The following RFC3 variants were observed in gnomAD, a reference collection of about 807,000 sequenced individuals.
RFC3 encodes the protein A1 38 kDa subunit.
In RFC3, 41 loss-of-function variants were observed where a neutral mutation model predicts 45.1. The observed-to-expected ratio is 0.91, with a 90% CI of 0.71 to 1.18. The LOEUF (loss-of-function observed/expected upper bound fraction) is 1.18. RFC3 is among the 50% of genes most tolerant of loss of function. RFC3 has a pLI of 0.00. For synonymous variants in RFC3, 149 were observed against 144.0 expected, an observed-to-expected ratio of 1.03 and a Z score of -0.25; for missense variants, 423 against 428.1, an observed-to-expected ratio of 0.99 and a Z score of 0.10.
chr13:33,976,255 A>C, the RFC3 span, among the ~76,000 whole-genome samples: 1 of 152,214 alleles, frequency 6.6e-6, no homozygotes, highest in Non-Finnish European at 1.5e-5. Flanking sequence ...TGGAATATTA[A>C]AATGAAGTCC....
intron 1 of RFC3, among the ~76,000 whole-genome samples, chr13:33,820,323 CTG>C (rs1461587070): frequency 6.6e-6 from 1 of 152,212 alleles, no homozygotes; most frequent in African/African-American, 2.4e-5. Flanking sequence ...GCTTTTCTCT[CTG>C]TGACACCCAT....
At chr13:33,956,225 G>T (rs1309425871) in intron 8 of RFC3, among the ~76,000 whole-genome samples, 1 of 152,182 alleles carries the variant, frequency 6.6e-6, no homozygotes, top group Admixed American at 6.5e-5. Flanking sequence ...TTCTTGCACT[G>T]AGGTTAATTA....
intron 8 of RFC3, among the ~76,000 whole-genome samples, chr13:33,914,343 A>G (rs1195881446): frequency 6.6e-6 from 1 of 152,128 alleles, no homozygotes; most frequent in Non-Finnish European, 1.5e-5. Context: ...GCCAACCAAC[A>G]TTTAGTGAAC....
At chr13:33,843,779 C>A (rs1323439542) in intron 8 of RFC3, among the ~76,000 whole-genome samples, 2 of 152,148 alleles carry the variant, frequency 1.3e-5, no homozygotes, top group South Asian at 2.1e-4. Context: ...CACTGCCCAA[C>A]GGACATATGT....
intron 8 of RFC3, among the ~76,000 whole-genome samples, chr13:33,904,418 CAT>C (rs1218692686): frequency 6.6e-6 from 1 of 152,036 alleles, no homozygotes; most frequent in African/African-American, 2.4e-5. Flanking sequence ...AGTGTCCCAA[CAT>C]GTGTTCTCCC....
intron 7 of RFC3, among the ~76,000 whole-genome samples, chr13:33,834,144 A>G (rs984048429): frequency 6.6e-6 from 1 of 151,340 alleles, no homozygotes; most frequent in South Asian, 2.1e-4. Context: ...ATGCCCCAGA[A>G]ATGCTAGTTC....
chr13:33,950,764 C>T (rs1020598934), intron 8 of RFC3, among the ~76,000 whole-genome samples: 1 of 151,386 alleles, frequency 6.6e-6, no homozygotes, highest in African/African-American at 2.5e-5. Flanking sequence ...TCTCTCTTCT[C>T]TTTCTCTCTC....
chr13:33,820,675 A>G (rs534814226), intron 1 of RFC3, among the ~76,000 whole-genome samples: 32 of 152,284 alleles, frequency 2.1e-4, no homozygotes, highest in African/African-American at 7.5e-4. Flanking sequence ...ACTGTTTCTA[A>G]TAGTCCGAAG....
chr13:33,869,144 G>A (rs1219571010), intron 8 of RFC3, among the ~76,000 whole-genome samples: 1 of 152,208 alleles, frequency 6.6e-6, no homozygotes, highest in Non-Finnish European at 1.5e-5. Flanking sequence ...CTGGTTCCCT[G>A]CTGTTCACTC....
chr13:33,967,873 A>G (rs1593724920), downstream of RFC3, among the ~76,000 whole-genome samples: 2 of 152,290 alleles, frequency 1.3e-5, no homozygotes, highest in East Asian at 3.9e-4. Context: ...AAAGCAAATC[A>G]TACTTATTGA....
intron 8 of RFC3, among the ~76,000 whole-genome samples, chr13:33,946,953 T>C (rs947709682): frequency 1.3e-5 from 2 of 152,216 alleles, no homozygotes; most frequent in Non-Finnish European, 2.9e-5. Context: ...GGAAATGCAC[T>C]GATTATTTGG....
chr13:33,886,148 G>GA (rs1408512108), intron 8 of RFC3, among the ~76,000 whole-genome samples: 1 of 152,170 alleles, frequency 6.6e-6, no homozygotes, highest in Non-Finnish European at 1.5e-5. Flanking sequence ...TAAGCCCAAG[G>GA]ATAGAAGCTG....
intron 8 of RFC3, among the ~76,000 whole-genome samples, chr13:33,899,468 A>T (rs1258863477): frequency 6.6e-6 from 1 of 151,846 alleles, no homozygotes; most frequent in Non-Finnish European, 1.5e-5. Flanking sequence ...AACGCATTTG[A>T]TAAAATTCAA....
chr13:33,941,261 A>G (rs2082922341), intron 8 of RFC3, among the ~76,000 whole-genome samples: 1 of 151,686 alleles, frequency 6.6e-6, no homozygotes, highest in Admixed American at 6.6e-5. Context: ...TTTGCCCAAT[A>G]CATTCCTCTC....
chr13:33,907,968 T>C (rs2082681367), intron 8 of RFC3, among the ~76,000 whole-genome samples: 2 of 151,984 alleles, frequency 1.3e-5, no homozygotes, highest in South Asian at 4.1e-4. Context: ...ATATACATGT[T>C]ATATGTCACC....
At chr13:33,830,587 A>G (rs1490318681) in intron 5 of RFC3, 132 bp from the exon 6 acceptor site, 1 of 601,384 alleles carries the variant, frequency 1.7e-6, no homozygotes, top group Non-Finnish European at 2.7e-6. Context: ...GTGGTAAGTT[A>G]CTTTTAGTGT....
chr13:33,925,537 T>C (rs1321690468), intron 8 of RFC3, among the ~76,000 whole-genome samples: 4 of 147,254 alleles, frequency 2.7e-5, no homozygotes, highest in Non-Finnish European at 6.0e-5. Flanking sequence ...CATACATACA[T>C]AGTGTACTAT....
At chr13:33,951,686 C>G (rs577167213) in intron 8 of RFC3, among the ~76,000 whole-genome samples, 1 of 152,152 alleles carries the variant, frequency 6.6e-6, no homozygotes, top group Non-Finnish European at 1.5e-5. Context: ...AGTAAATCAT[C>G]TAATAGAACT....
intron 8 of RFC3, among the ~76,000 whole-genome samples, chr13:33,883,024 A>G (rs2082495408): frequency 6.6e-6 from 1 of 152,180 alleles, no homozygotes. Flanking sequence ...AAGGATGTAC[A>G]TGTGAGTTAC....
Sources: allele counts gnomAD v4.1 joint callset (sites outside exome capture counted in the v4.1 genomes callset), GRCh38; gene constraint gnomAD v4.1.1; transcripts MANE v1.5; gene names NCBI Gene and HGNC (gene_info 2026-07-23, HGNC 2026-07-21).